C2CD3: variants seen among roughly 807,000 people sequenced by gnomAD.
C2CD3 encodes C2 domain-containing protein 3.
In C2CD3, 148 loss-of-function variants were observed where a neutral mutation model predicts 234.0. The ratio of observed to expected loss-of-function variants is 0.63; its 90% CI spans 0.55 to 0.72. The LOEUF (loss-of-function observed/expected upper bound fraction) is 0.72, where lower values mean the gene tolerates loss of function less well. C2CD3 is among the 30% of genes least tolerant of loss of function. The pLI is 0.00. For synonymous variants in C2CD3, 1,000 were observed against 1,035.4 expected, an observed-to-expected ratio of 0.97 and a Z score of 0.66; for missense variants, 2,577 against 2,811.5, an observed-to-expected ratio of 0.92 and a Z score of 1.89.
chr11:74,054,559 G>T, intron 26 of C2CD3, 48 bp downstream of exon 26: 9 of 843,222 alleles, frequency 1.1e-5, no homozygotes, highest in Non-Finnish European at 1.8e-5. Context: ...AACAGGATGT[G>T]AGCTTATTTT....
intron 28 of C2CD3, among the ~76,000 whole-genome samples, chr11:74,044,539 T>C (rs893726746): frequency 6.6e-6 from 1 of 152,208 alleles, no homozygotes; most frequent in Admixed American, 6.5e-5. Context: ...TCACTTGCAG[T>C]GTAAAAATTC....
intron 22 of C2CD3, among the ~76,000 whole-genome samples, chr11:74,081,129 T>C (rs1235533999): frequency 6.6e-6 from 1 of 152,172 alleles, no homozygotes; most frequent in African/African-American, 2.4e-5. Flanking sequence ...CTACACTTAC[T>C]GCACACCTAC....
rs757767019 is a variant in C2CD3 at position 74,095,387 on chromosome 11, G to A, written c.3001C>T (p.Leu1001=). Residue 1001 remains leucine (L), a synonymous_variant, in exon 17 of 33, where the codon CTG becomes TTG. Coordinates refer to ENST00000334126, the MANE Select transcript of C2CD3 (RefSeq NM_001286577.2). ...VAMAEDRGNG[L]MEHCFEIHIE... is the part of the protein sequence containing the mutation. Reference sequence around the variant, plus strand: ...TGGATCTCAAAGCAGTGCTCCATCAGTCCATTTCCTCGGTCCTCTGCCTAT... The same window carrying A: ...TGGATCTCAAAGCAGTGCTCCATCAATCCATTTCCTCGGTCCTCTGCCTAT... The A allele has an allele frequency of 6.2e-6, 10 of 1,612,668 alleles. No individual in the cohort carries two copies. The highest frequency in any genetic ancestry group is 1.7e-6 in the Non-Finnish European group (2 of 1,179,232).
chr11:74,134,626 G>C (rs1355200825), intron 5 of C2CD3, among the ~76,000 whole-genome samples: 2 of 152,156 alleles, frequency 1.3e-5, no homozygotes, highest in Non-Finnish European at 2.9e-5. Context: ...CAGGTGCTTA[G>C]AAAGTGCCCA....
chr11:74,026,620 T>C (rs182144651), intron 32 of C2CD3, among the ~76,000 whole-genome samples: 107 of 152,220 alleles, frequency 7.0e-4, no homozygotes, highest in African/African-American at 2.5e-3. Context: ...GTACCATAAG[T>C]CAAATGTCAT....
chr11:74,048,429 G>T, intron 27 of C2CD3, 91 bp from the exon 28 acceptor site: 2 of 1,321,614 alleles, frequency 1.5e-6, no homozygotes, highest in Non-Finnish European at 2.1e-6. Flanking sequence ...AATTTATTGT[G>T]TGCATTTAAT....
chr11:74,085,304 T>C (rs1055637415), intron 21 of C2CD3, among the ~76,000 whole-genome samples: 6 of 152,098 alleles, frequency 3.9e-5, no homozygotes, highest in Non-Finnish European at 8.8e-5. Context: ...GCCCAGCCCA[T>C]TTTTTAAATT....
At position 74,025,834 on chromosome 11, in the gene C2CD3, G is replaced by A. The variant is rs542981314; in HGVS notation, c.6921+2453C>T. 3.6e-4 allele frequency among the ~76,000 whole-genome samples: 55 copies of A among 152,198 alleles called. No homozygotes were observed. The South Asian group carries it at 0.011, about 31-fold the overall frequency. On this transcript the variant is annotated intron_variant, in intron 32 of 32. Coordinates refer to ENST00000334126, the MANE Select transcript of C2CD3 (RefSeq NM_001286577.2). ...ATTACTTTTAAGGAAAGTGTGTCTC[G>A]GGAAGGTTGAGTCACTTGCCTAAGA...
At chr11:74,037,336 TA>T (rs370964056) in intron 30 of C2CD3, 141 bp downstream of exon 30, 162,612 of 589,806 alleles carry the variant, frequency 0.28, 4 homozygotes, top group South Asian at 0.36. Context: ...GCAAGATGGT[TA>T]AAAAAAAAAA....
chr11:74,158,944 G>C (rs889257714), intron 3 of C2CD3, among the ~76,000 whole-genome samples: 1 of 152,128 alleles, frequency 6.6e-6, no homozygotes, highest in African/African-American at 2.4e-5. Context: ...CAGTATGAAG[G>C]TTCCTCACAA....
chr11:74,083,231 C>T (rs1256974971), intron 22 of C2CD3, among the ~76,000 whole-genome samples: 1 of 152,146 alleles, frequency 6.6e-6, no homozygotes, highest in Non-Finnish European at 1.5e-5. Context: ...GGAAAACTGG[C>T]TAGCCATATG....
intron 7 of C2CD3, among the ~76,000 whole-genome samples, chr11:74,126,048 C>T (rs1957403636): frequency 6.6e-6 from 1 of 152,124 alleles, no homozygotes; most frequent in Non-Finnish European, 1.5e-5. Context: ...AGACATTTTC[C>T]TGTGGTTTTC....
chr11:74,065,805 TC>T lies in C2CD3; in HGVS notation c.4952-8262del, dbSNP rs1372275552. Among the ~76,000 whole-genome samples, 12 of 148,386 alleles carry T rather than the reference TC, an allele frequency of 8.1e-5. No individual in the cohort carries two copies. In the South Asian group the frequency reaches 1.7e-3, roughly 21 times the overall value. ...GGAAACCATCATTCTCAGCAAACTA[TC>T]CCAAGAACAAAAAAACCAAACACCG... is the stretch of plus-strand genomic sequence containing the variant. On this transcript the variant is annotated intron_variant, in intron 24 of 32. Transcript: ENST00000334126.
chr11:74,091,025 A>G, intron 19 of C2CD3, 89 bp from the exon 20 acceptor site: 1 of 1,371,000 alleles, frequency 7.3e-7, no homozygotes, highest in Non-Finnish European at 1.0e-6. Flanking sequence ...AGGATGGAAG[A>G]GGATTAACAC....
chr11:74,122,889 G>T, intron 8 of C2CD3, 99 bp downstream of exon 8: 2 of 623,378 alleles, frequency 3.2e-6, no homozygotes, highest in Admixed American at 2.8e-5. Context: ...AATTAAGTAA[G>T]GTAAGTTATG....
chr11:74,116,930 G>GTATATACACATATACACGTA (rs1565312667), intron 9 of C2CD3, among the ~76,000 whole-genome samples: 1 of 106,112 alleles, frequency 9.4e-6, no homozygotes, highest in Non-Finnish European at 1.9e-5. Flanking sequence ...ATATACACGT[G>GTATATACACATATACACGTA]TATATACACA....
chr11:74,047,649 C>CT (rs2135428089), intron 28 of C2CD3, among the ~76,000 whole-genome samples: 1 of 152,300 alleles, frequency 6.6e-6, no homozygotes, highest in African/African-American at 2.4e-5. Flanking sequence ...ATTCCTTGCC[C>CT]TTTCCCTGAG....
chr11:74,148,388 A>G (rs139114974), intron 3 of C2CD3, among the ~76,000 whole-genome samples: 1 of 151,758 alleles, frequency 6.6e-6, no homozygotes, highest in East Asian at 1.9e-4. Context: ...GTGTATATAT[A>G]CATAAATATC....
chr11:74,054,669 AGCCTATT>A lies in C2CD3; in HGVS notation c.5091-5_5092del. On this transcript the variant is annotated splice_acceptor_variant and splice_polypyrimidine_tract_variant and coding_sequence_variant and intron_variant, in exon 26 of 33. Transcript: ENST00000334126. LOFTEE classifies it high-confidence loss of function. Reference sequence around the variant, plus strand: ...TGGGTCCAGAAGCAGCTCTTTTGATAGCCTATTAAGAAAAACAACCACTGTAAACTAA... The same window carrying A: ...TGGGTCCAGAAGCAGCTCTTTTGATAAAGAAAAACAACCACTGTAAACTAA... 1 of 1,609,532 alleles carries A rather than the reference AGCCTATT, an allele frequency of 6.2e-7. No homozygotes were observed. Among genetic ancestry groups the A allele is most frequent in the Non-Finnish European group, 8.5e-7 (1 of 1,177,386 alleles).
Sources: gnomAD v4.1 joint callset for allele counts (sites outside exome capture counted in the v4.1 genomes callset) on GRCh38, gnomAD v4.1.1 for gene constraint, MANE v1.5 for transcripts, NCBI Gene and HGNC (gene_info 2026-07-23, HGNC 2026-07-21) for gene names.